GPT2: variants seen among roughly 807,000 people sequenced by gnomAD.
GPT2 encodes alanine aminotransferase 2.
A neutral mutation model predicts 56.9 loss-of-function variants in GPT2; 30 were observed. That is an observed-to-expected ratio of 0.53 (90% CI 0.39 to 0.72). The LOEUF is 0.72. Ranked by LOEUF, GPT2 falls within the 30% of genes least tolerant of loss-of-function variation. The pLI, the probability that GPT2 is intolerant of heterozygous loss-of-function variation, is 0.00. For missense variants in GPT2, 542 were observed against 703.4 expected (o/e 0.77, Z 2.60); for synonymous variants, 271 against 283.1 (o/e 0.96, Z 0.43).
chr16:46,900,602 C>T (rs1286825680), intron 3 of GPT2, 80 bp from the exon 4 acceptor site: 2 of 1,059,004 alleles, frequency 1.9e-6, no homozygotes, highest in East Asian at 4.8e-5. Context: ...GAGCTGTCAT[C>T]CTCCCAGTGG....
intron 6 of GPT2, among the ~76,000 whole-genome samples, chr16:46,910,735 A>C (rs1297924661): frequency 6.6e-6 from 1 of 152,106 alleles, no homozygotes; most frequent in Non-Finnish European, 1.5e-5. Context: ...AGCTCAGACT[A>C]CAGGCAGCAC....
intron 3 of GPT2, among the ~76,000 whole-genome samples, chr16:46,898,911 TACACACAC>T (rs1360330757): frequency 2.1e-5 from 3 of 146,178 alleles, no homozygotes; most frequent in East Asian, 2.0e-4. Flanking sequence ...CACATATATA[TACACACAC>T]ATATATATGT....
chr16:46,920,413 C>T (rs1193103793), intron 8 of GPT2, among the ~76,000 whole-genome samples: 1 of 152,228 alleles, frequency 6.6e-6, no homozygotes, highest in Non-Finnish European at 1.5e-5. Context: ...TGTTGGAGCT[C>T]TAAGCCTGGA....
At chr16:46,909,660 C>T in intron 5 of GPT2, 24 bp from the exon 6 acceptor site, 1 of 1,606,338 alleles carries the variant, frequency 6.2e-7, no homozygotes, top group Non-Finnish European at 8.5e-7. Context: ...TGCTGGCTTT[C>T]TAGATGTGAA....
intron 4 of GPT2, among the ~76,000 whole-genome samples, chr16:46,901,192 C>T (rs1468851778): frequency 6.6e-6 from 1 of 152,236 alleles, no homozygotes; most frequent in East Asian, 1.9e-4. Context: ...TGTCTCTGCA[C>T]TGTCTTGGAG....
At position 46,929,931 on chromosome 16, in the gene GPT2, ATCC is replaced by A. The variant is rs1272661683; in HGVS notation, c.*938_*940del. On this transcript the variant is annotated 3_prime_UTR_variant, in exon 12 of 12. Transcript: ENST00000340124. Reference sequence around the variant, plus strand: ...CAGCGGGGAAATGAGGGCTGAAAATATCCTCCCCACAAGGGCAATCCCCGGGAC... The same window carrying A: ...CAGCGGGGAAATGAGGGCTGAAAATATCCCCACAAGGGCAATCCCCGGGAC... 6.6e-6 allele frequency: 1 copy of A among 152,518 alleles called. No individual in the cohort carries two copies. The highest frequency in any genetic ancestry group is 2.4e-5 in the African/African-American group (1 of 41,436). 9.4% of individuals were successfully genotyped at this position (152,518 alleles called of 1,614,324 possible). A position where few individuals can be genotyped will look rare whatever the true frequency, so the allele number is the denominator to read the frequency against.
At position 46,907,670 on chromosome 16, in the gene GPT2, A is replaced by G. The variant is rs187973297; in HGVS notation, c.576+695A>G. ...GTTACCAGGCGTGGGCTGGCAAGGCAGCTGGCACCAGTACAGGGCCTTAGA... is the reference window on the plus strand; with the variant it reads ...GTTACCAGGCGTGGGCTGGCAAGGCGGCTGGCACCAGTACAGGGCCTTAGA... On this transcript the variant is annotated intron_variant, in intron 5 of 11. Coordinates refer to ENST00000340124, the MANE Select transcript of GPT2 (RefSeq NM_133443.4). 1.8e-3 allele frequency among the ~76,000 whole-genome samples: 273 copies of G among 152,364 alleles called. 2 individuals are homozygous for G. Among genetic ancestry groups the G allele is most frequent in the Non-Finnish European group, 3.1e-3 (209 of 68,038 alleles).
At chr16:46,900,550 G>T in intron 3 of GPT2, 132 bp from the exon 4 acceptor site, 3 of 652,624 alleles carry the variant, frequency 4.6e-6, no homozygotes, top group Non-Finnish European at 8.2e-6. Flanking sequence ...GCTCCCACAG[G>T]CTGAGTCCTC....
intron 2 of GPT2, among the ~76,000 whole-genome samples, chr16:46,895,554 A>G (rs1299780892): frequency 6.6e-6 from 1 of 151,702 alleles, no homozygotes; most frequent in Non-Finnish European, 1.5e-5. Context: ...AAAGGGTCTC[A>G]CTCTGATGCC....
In GPT2 at chr16:46,929,015, C is replaced by T. The variant is rs778634104; in HGVS notation, c.*18C>T. On this transcript the variant is annotated 3_prime_UTR_variant, in exon 12 of 12. Coordinates refer to ENST00000340124, the MANE Select transcript of GPT2 (RefSeq NM_133443.4). ...ACGCGTGAGGACGCCTGAGCCCCAGCGGGAGACCTGTCCTTGGCTCTTCCT... is the reference window on the plus strand; with the variant it reads ...ACGCGTGAGGACGCCTGAGCCCCAGTGGGAGACCTGTCCTTGGCTCTTCCT... The T allele has an allele frequency of 6.3e-6, 10 of 1,597,306 alleles. No individual in the cohort carries two copies. Among genetic ancestry groups the T allele is most frequent in the East Asian group, 4.5e-5 (2 of 44,808 alleles).
chr16:46,885,051 C>T, intron 2 of GPT2, 93 bp downstream of exon 2: 1 of 1,364,788 alleles, frequency 7.3e-7, no homozygotes, highest in Non-Finnish European at 9.5e-7. Context: ...CGACGTCCAC[C>T]CCCATGGCCA....
chr16:46,914,200 C>T (rs776633506), intron 6 of GPT2, among the ~76,000 whole-genome samples: 48 of 152,164 alleles, frequency 3.2e-4, no homozygotes, highest in Non-Finnish European at 6.0e-4. Context: ...CATGGCATTT[C>T]GTGTGAACGG....
At chr16:46,892,544 C>A (rs557301714) in intron 2 of GPT2, among the ~76,000 whole-genome samples, 2 of 152,216 alleles carry the variant, frequency 1.3e-5, no homozygotes, top group African/African-American at 4.8e-5. Context: ...ATTTACATTC[C>A]CACCAGTGGC....
chr16:46,894,090 A>G (rs1195110446), intron 2 of GPT2, among the ~76,000 whole-genome samples: 1 of 151,934 alleles, frequency 6.6e-6, no homozygotes, highest in African/African-American at 2.4e-5. Flanking sequence ...CAGTGTCCTG[A>G]CCCCCAGCTC....
At chr16:46,885,600 C>T in intron 2 of GPT2, 1 of 957,522 alleles carries the variant, frequency 1.0e-6, no homozygotes, top group Non-Finnish European at 1.2e-6. Flanking sequence ...AGAGTTGGGC[C>T]TGTCGGGCTT....
In GPT2 at chr16:46,924,377, A is replaced by G. The variant is rs1555486980; in HGVS notation, c.1213-12A>G. The G allele has an allele frequency of 6.2e-7, 1 of 1,613,840 alleles. No homozygotes were observed. Among genetic ancestry groups the G allele is most frequent in the Non-Finnish European group, 8.5e-7 (1 of 1,179,658 alleles). ...AGATACTGACTGCTGTGCTGTTTCC[A>G]TCTCTCATCAGGAGAAGGAGTCGGT... is the stretch of plus-strand genomic sequence containing the variant. On this transcript the variant is annotated splice_polypyrimidine_tract_variant and intron_variant, in intron 9 of 11. Coordinates refer to ENST00000340124, the MANE Select transcript of GPT2 (RefSeq NM_133443.4).
At position 46,915,903 on chromosome 16, in the gene GPT2, GAC is replaced by G. The variant is rs376615282; in HGVS notation, c.821-714_821-713del. On this transcript the variant is annotated intron_variant, in intron 6 of 11. Coordinates refer to ENST00000340124, the MANE Select transcript of GPT2 (RefSeq NM_133443.4). ...ACTACAACTACACACACACCACACA[GAC>G]ACACACACACCCACCACACCTACAC... 7.4e-4 allele frequency: 93 copies of G among 124,928 alleles called. 2 individuals carry two copies. The highest frequency in any genetic ancestry group is 2.4e-3 in the African/African-American group (76 of 32,280). 7.7% of individuals were successfully genotyped at this position (124,928 alleles called of 1,614,324 possible).
intron 3 of GPT2, among the ~76,000 whole-genome samples, chr16:46,900,031 C>T (rs971857172): frequency 1.3e-5 from 2 of 152,244 alleles, no homozygotes; most frequent in African/African-American, 4.8e-5. Context: ...AGTCACCCCA[C>T]TGGTGTCAGA....
Position 46,884,833 on chromosome 16 carries a change from G to A in GPT2, c.118G>A (p.Glu40Lys), listed in dbSNP as rs1250840020. The part of the protein sequence containing the change: ...EASAVLKVRP[E>K]RSRRERILTL... The stretch of plus-strand genomic sequence containing the variant: ...CTCGGCGGTGCTCAAGGTGCGGCCC[G>A]AGCGCAGCCGGCGCGAGCGCATCCT... The change falls in exon 2 of 12, where the codon GAG becomes AAG. Residue 40 changes from glutamate to lysine, a missense_variant. Coordinates refer to ENST00000340124, the MANE Select transcript of GPT2 (RefSeq NM_133443.4). 3 of 1,538,764 alleles carry A rather than the reference G, an allele frequency of 1.9e-6. No individual in the cohort carries two copies. Among genetic ancestry groups the A allele is most frequent in the African/African-American group, 2.8e-5 (2 of 71,512 alleles).
Sources: gnomAD v4.1 joint callset for allele counts (sites outside exome capture counted in the v4.1 genomes callset) on GRCh38, gnomAD v4.1.1 for gene constraint, MANE v1.5 for transcripts, NCBI Gene and HGNC (gene_info 2026-07-23, HGNC 2026-07-21) for gene names.